Variants in FHIT observed in about 807,000 individuals in gnomAD.
FHIT encodes fragile histidine triad diadenosine triphosphatase, also known as bis(5'-adenosyl)-triphosphatase.
FHIT carries 19 observed loss-of-function variants against 17.9 expected under a neutral mutation model. The observed-to-expected ratio is 1.06, with a 90% CI of 0.74 to 1.56. The LOEUF (loss-of-function observed/expected upper bound fraction) is 1.56, where lower values mean the gene tolerates loss of function less well. FHIT is among the 40% of genes most tolerant of loss of function. FHIT has a pLI of 0.00. For synonymous variants in FHIT, 81 were observed against 69.7 expected (o/e 1.16, Z -0.81); for missense variants, 248 against 189.2 (o/e 1.31, Z -1.82).
chr3:60,027,108 G>GACACACACACACAC (rs754046097), intron 5 of FHIT, among the ~76,000 whole-genome samples: 4 of 88,050 alleles, frequency 4.5e-5, no homozygotes, highest in Non-Finnish European at 9.2e-5. Flanking sequence ...TTCACACACA[G>GACACACACACACAC]ACACACACAC....
chr3:60,004,693 G>T (rs1390230025), intron 7 of FHIT, among the ~76,000 whole-genome samples: 1 of 152,152 alleles, frequency 6.6e-6, no homozygotes, highest in Non-Finnish European at 1.5e-5. Context: ...TGAAATTTTG[G>T]ATAGGCTTGG....
rs77029148 is a variant in FHIT at position 60,576,210 on chromosome 3, A to G, written c.-17-39231T>C. Among the ~76,000 whole-genome samples, 662 of 145,652 alleles carry G rather than the reference A, an allele frequency of 4.5e-3. 2 individuals are homozygous for G. The highest frequency in any genetic ancestry group is 0.016 in the African/African-American group (635 of 39,374). On this transcript the variant is annotated intron_variant, in intron 4 of 9. Coordinates refer to ENST00000492590, the MANE Select transcript of FHIT (RefSeq NM_002012.4). The stretch of plus-strand genomic sequence containing the variant: ...TTAAGAGGCAAGAGCGTCATTGGAA[A>G]TTAAGAATATGATTGGTAAAATTTT...
In FHIT at chr3:61,041,149, G is replaced by T. The variant is rs535072592; in HGVS notation, c.-111+898C>A. Reference sequence around the variant, plus strand: ...TAATCCCAGCACTTTAGGAGGCTGAGGCAGGCAGATCACGAGGTCAAGAGA... The same window carrying T: ...TAATCCCAGCACTTTAGGAGGCTGATGCAGGCAGATCACGAGGTCAAGAGA... On this transcript the variant is annotated intron_variant, in intron 3 of 9. Transcript: ENST00000492590. 2.6e-3 allele frequency among the ~76,000 whole-genome samples: 400 copies of T among 152,214 alleles called. 3 individuals carry two copies. The highest frequency in any genetic ancestry group is 9.3e-3 in the African/African-American group (387 of 41,528).
In FHIT at chr3:61,203,937, A is replaced by G; in HGVS notation, c.-212-3272T>C. On this transcript the variant is annotated intron_variant, in intron 1 of 9. Transcript: ENST00000492590. ...GTATTGCCAGGATGGCAAAAAATAC[A>G]GAAAACAACCCAAACATCTATCAGC... is the stretch of plus-strand genomic sequence containing the variant. 1.3e-5 allele frequency among the ~76,000 whole-genome samples: 2 copies of G among 152,252 alleles called. 1 individual carries two copies. The highest frequency in any genetic ancestry group is 1.3e-4 in the Admixed American group (2 of 15,292).
At chr3:61,214,510 A>C (rs1018343557) in intron 1 of FHIT, among the ~76,000 whole-genome samples, 11 of 152,322 alleles carry the variant, frequency 7.2e-5, no homozygotes, top group African/African-American at 2.4e-4. Flanking sequence ...TTGTGGCAAT[A>C]ATCAATAGCT....
chr3:61,012,756 T>C (rs915836503), intron 3 of FHIT, among the ~76,000 whole-genome samples: 2 of 151,610 alleles, frequency 1.3e-5, no homozygotes, highest in Admixed American at 6.6e-5. Flanking sequence ...GTGCTAATAA[T>C]AGTGATAAAA....
chr3:60,749,644 G>A (rs868971714), intron 4 of FHIT, among the ~76,000 whole-genome samples: 6 of 152,116 alleles, frequency 3.9e-5, no homozygotes, highest in Admixed American at 2.0e-4. Flanking sequence ...GTTTGAAGGG[G>A]GAAATTTTAA....
At chr3:60,638,971 C>A (rs1196752566) in intron 4 of FHIT, among the ~76,000 whole-genome samples, 1 of 149,042 alleles carries the variant, frequency 6.7e-6, no homozygotes, top group Admixed American at 6.8e-5. Flanking sequence ...CAGACTAATC[C>A]TCCTGCAGAA....
intron 5 of FHIT, among the ~76,000 whole-genome samples, chr3:60,259,415 A>G (rs1706183012): frequency 6.6e-6 from 1 of 152,118 alleles, no homozygotes. Context: ...GATGAAAAGG[A>G]AGAAGATGAG....
At chr3:59,871,754 A>G (rs140832380) in intron 8 of FHIT, among the ~76,000 whole-genome samples, 1 of 152,342 alleles carries the variant, frequency 6.6e-6, no homozygotes, top group African/African-American at 2.4e-5. Flanking sequence ...CAATCCAGGT[A>G]GCCTAATTTC....
At chr3:60,684,799 C>G (rs9842786) in intron 4 of FHIT, among the ~76,000 whole-genome samples, 2,907 of 152,070 alleles carry the variant, frequency 0.019, 112 homozygotes, top group African/African-American at 0.066. Context: ...CAAAAGTGCT[C>G]AAGAGCCTGA....
intron 5 of FHIT, among the ~76,000 whole-genome samples, chr3:60,443,119 A>G (rs2031041149): frequency 6.6e-6 from 1 of 152,128 alleles, no homozygotes; most frequent in Non-Finnish European, 1.5e-5. Context: ...TTGTACATTG[A>G]TTTTGTATCC....
chr3:59,984,081 T>C (rs1039217244), intron 7 of FHIT, among the ~76,000 whole-genome samples: 12 of 152,140 alleles, frequency 7.9e-5, no homozygotes, highest in African/African-American at 2.9e-4. Context: ...ACACTATCCC[T>C]AATATTCCAA....
chr3:60,318,614 G>T (rs1036863653), intron 5 of FHIT, among the ~76,000 whole-genome samples: 2 of 152,194 alleles, frequency 1.3e-5, no homozygotes, highest in Admixed American at 6.5e-5. Context: ...TCCTGATCAT[G>T]TGATGTGATG....
chr3:60,612,715 C>G (rs566873024), intron 4 of FHIT, among the ~76,000 whole-genome samples: 1 of 152,130 alleles, frequency 6.6e-6, no homozygotes, highest in Non-Finnish European at 1.5e-5. Flanking sequence ...TGTAAAAGAT[C>G]TATCTGTAAG....
chr3:60,562,116 G>A (rs999033624), intron 4 of FHIT, among the ~76,000 whole-genome samples: 1 of 152,076 alleles, frequency 6.6e-6, no homozygotes, highest in African/African-American at 2.4e-5. Context: ...AGATGCTAGG[G>A]ATACAACGGT....
chr3:59,814,106 C>T (rs1167913511), intron 8 of FHIT, among the ~76,000 whole-genome samples: 3 of 151,290 alleles, frequency 2.0e-5, no homozygotes, highest in Non-Finnish European at 4.4e-5. Flanking sequence ...GAGGAGAAAG[C>T]CTGCTATCCT....
At chr3:60,728,596 A>T (rs73101696) in intron 4 of FHIT, among the ~76,000 whole-genome samples, 281 of 151,602 alleles carry the variant, frequency 1.9e-3, no homozygotes, top group African/African-American at 4.5e-3. Context: ...TCGTTTTTTT[A>T]AAAAAAATTG....
intron 1 of FHIT, among the ~76,000 whole-genome samples, chr3:61,212,455 A>C (rs1221220559): frequency 1.3e-5 from 2 of 152,202 alleles, no homozygotes; most frequent in Admixed American, 1.3e-4. Context: ...TTAGAGAAAA[A>C]ATAATAAAAA....
Sources: gnomAD v4.1 joint callset for allele counts (sites outside exome capture counted in the v4.1 genomes callset) on GRCh38, gnomAD v4.1.1 for gene constraint, MANE v1.5 for transcripts, NCBI Gene and HGNC (gene_info 2026-07-23, HGNC 2026-07-21) for gene names.